The following PKHD1 variants were observed in gnomAD, a reference collection of about 807,000 sequenced individuals.
PKHD1 encodes fibrocystin.
A neutral mutation model predicts 412.0 loss-of-function variants in PKHD1; 291 were observed. The observed-to-expected ratio is 0.71, with a 90% CI of 0.64 to 0.78. The LOEUF (loss-of-function observed/expected upper bound fraction) is 0.78. PKHD1 is among the 30% of genes least tolerant of loss of function. The probability of loss-of-function intolerance (pLI) is 0.00; values close to 1 mark genes in which losing one functional copy is unlikely to be tolerated. For missense variants in PKHD1, 4,825 were observed against 4,950.7 expected (o/e 0.97, Z 0.76); for synonymous variants, 1,777 against 1,821.5 (o/e 0.98, Z 0.62).
chr6:51,845,857 GTTTA>G (rs761341847), intron 50 of PKHD1, among the ~76,000 whole-genome samples: 119 of 152,148 alleles, frequency 7.8e-4, no homozygotes, highest in Non-Finnish European at 1.4e-3. Context: ...ATTACGTTTA[GTTTA>G]TTTGAGTATT....
At chr6:51,936,834 C>A (rs954792926) in intron 36 of PKHD1, among the ~76,000 whole-genome samples, 1 of 152,052 alleles carries the variant, frequency 6.6e-6, no homozygotes, top group African/African-American at 2.4e-5. Flanking sequence ...GACTCTAGTA[C>A]AGCACCACAT....
At chr6:51,684,471 T>C (rs1394383653) in intron 60 of PKHD1, among the ~76,000 whole-genome samples, 1 of 152,012 alleles carries the variant, frequency 6.6e-6, no homozygotes, top group African/African-American at 2.4e-5. Flanking sequence ...GAGGTCCCAG[T>C]TAGTTTAGAA....
intron 52 of PKHD1, among the ~76,000 whole-genome samples, chr6:51,800,696 G>T (rs886547994): frequency 6.6e-6 from 1 of 152,326 alleles, no homozygotes; most frequent in East Asian, 1.9e-4. Flanking sequence ...TGGGAATAAT[G>T]ATGGGGTCAC....
chr6:51,685,692 C>T (rs368732389), intron 60 of PKHD1, among the ~76,000 whole-genome samples: 56 of 152,250 alleles, frequency 3.7e-4, no homozygotes, highest in Admixed American at 2.7e-3. Flanking sequence ...CTGCACTTCA[C>T]TTTACTATTT....
At position 51,887,114 on chromosome 6, in the gene PKHD1, T is replaced by G. The variant is rs375875942; in HGVS notation, c.7109+19A>C. The stretch of plus-strand genomic sequence containing the variant: ...AATCATAAGACAGCCAAAACATAGA[T>G]GAATTTCCCCAAAGTTACCTGGTAC... On this transcript the variant is annotated intron_variant, in intron 44 of 66. Coordinates refer to ENST00000371117, the MANE Select transcript of PKHD1 (RefSeq NM_138694.4). The G allele has an allele frequency of 6.9e-6, 10 of 1,454,198 alleles. No homozygotes were observed. Among genetic ancestry groups the G allele is most frequent in the Non-Finnish European group, 9.7e-6 (10 of 1,033,948 alleles). The allele number at this position is 1,454,198 out of a possible 1,614,324, so 90.1% of individuals were successfully genotyped here.
At chr6:51,973,967 T>C (rs12191330) in intron 35 of PKHD1, among the ~76,000 whole-genome samples, 6,890 of 152,260 alleles carry the variant, frequency 0.045, 181 homozygotes, top group Non-Finnish European at 0.072. Flanking sequence ...ATGAATTGAA[T>C]AGGGGTAGGT....
rs1186724457 is a variant in PKHD1, at chr6:51,619,147, G to A, written c.12159C>T (p.Ser4053=). The A allele has an allele frequency of 1.2e-6, 2 of 1,614,076 alleles. No individual in the cohort carries two copies. The highest frequency in any genetic ancestry group is 2.2e-5 in the East Asian group (1 of 44,892). ...SLGLSQEKKA[S]CGATEAFCLH... ...GGCAGAATGCCTCAGTGGCCCCGCA[G>A]GAGGCTTTCTTCTCTTGGGAAAGCC... The change falls in exon 67 of 67, where the codon TCC becomes TCT. Residue 4053 remains serine, a synonymous_variant. Transcript: ENST00000371117.
At chr6:51,746,209 G>C (rs145044093) in intron 59 of PKHD1, among the ~76,000 whole-genome samples, 1 of 152,004 alleles carries the variant, frequency 6.6e-6, no homozygotes, top group South Asian at 2.1e-4. Context: ...AGACCTCATC[G>C]TTCAGTTCAG....
At chr6:51,625,221 GGAGA>G (rs1037294885) in intron 66 of PKHD1, among the ~76,000 whole-genome samples, 1 of 152,118 alleles carries the variant, frequency 6.6e-6, no homozygotes, top group East Asian at 1.9e-4. Context: ...GCAAAGTGCT[GGAGA>G]GAGAGAGACA....
intron 55 of PKHD1, among the ~76,000 whole-genome samples, chr6:51,755,159 T>C (rs1786760170): frequency 6.6e-6 from 1 of 152,114 alleles, no homozygotes; most frequent in Non-Finnish European, 1.5e-5. Context: ...ACAGAGACAG[T>C]GAAGATATTC....
intron 52 of PKHD1, among the ~76,000 whole-genome samples, chr6:51,828,921 A>C (rs1384131179): frequency 6.6e-6 from 1 of 152,158 alleles, no homozygotes; most frequent in Admixed American, 6.6e-5. Context: ...CATCAATCAC[A>C]GATCATTTTT....
intron 55 of PKHD1, among the ~76,000 whole-genome samples, chr6:51,768,634 G>A (rs909738663): frequency 1.3e-5 from 2 of 151,846 alleles, no homozygotes; most frequent in African/African-American, 2.4e-5. Flanking sequence ...CACATAAAAA[G>A]ATAGTTTGGA....
chr6:51,697,001 C>T (rs1240277826), intron 60 of PKHD1, among the ~76,000 whole-genome samples: 2 of 152,152 alleles, frequency 1.3e-5, no homozygotes, highest in East Asian at 3.9e-4. Context: ...CCAGCCTGGC[C>T]AACATGGTGA....
intron 60 of PKHD1, among the ~76,000 whole-genome samples, chr6:51,712,394 C>T (rs373583597): frequency 2.2e-4 from 33 of 152,136 alleles, no homozygotes; most frequent in African/African-American, 7.7e-4. Context: ...GAAGACTTCC[C>T]TTTGTTTTTG....
intron 50 of PKHD1, among the ~76,000 whole-genome samples, chr6:51,837,819 T>G (rs915665304): frequency 6.6e-6 from 1 of 152,166 alleles, no homozygotes; most frequent in Non-Finnish European, 1.5e-5. Flanking sequence ...CTAATCTTAT[T>G]TTGGTCATTT....
chr6:51,676,706 C>T (rs1438610305), intron 60 of PKHD1, among the ~76,000 whole-genome samples: 3 of 152,124 alleles, frequency 2.0e-5, no homozygotes, highest in Non-Finnish European at 4.4e-5. Context: ...GGCCCTCAGG[C>T]TATGAGGAGT....
intron 53 of PKHD1, among the ~76,000 whole-genome samples, chr6:51,781,309 T>A (rs1277531565): frequency 6.6e-6 from 1 of 152,180 alleles, no homozygotes; most frequent in African/African-American, 2.4e-5. Flanking sequence ...AGAATGGGGC[T>A]TGCAGTCCAG....
chr6:51,892,094 A>T (rs1779210397), intron 43 of PKHD1, among the ~76,000 whole-genome samples: 1 of 152,192 alleles, frequency 6.6e-6, no homozygotes, highest in African/African-American at 2.4e-5. Flanking sequence ...ATTCGGTTAC[A>T]GGATGTTTTG....
intron 23 of PKHD1, among the ~76,000 whole-genome samples, chr6:52,047,709 A>T (rs934821155): frequency 1.3e-5 from 2 of 152,148 alleles, no homozygotes; most frequent in African/African-American, 4.8e-5. Context: ...AAAGAAGAGG[A>T]CTGACCCAGG....
Sources: gnomAD v4.1 joint callset for allele counts (sites outside exome capture counted in the v4.1 genomes callset) on GRCh38, gnomAD v4.1.1 for gene constraint, MANE v1.5 for transcripts, NCBI Gene and HGNC (gene_info 2026-07-23, HGNC 2026-07-21) for gene names.